BBS9: variants seen among roughly 807,000 people sequenced by gnomAD.
The protein encoded by BBS9 is protein PTHB1.
Under a neutral mutation model 117.7 loss-of-function variants are expected in BBS9, and 89 were observed. The observed-to-expected ratio is 0.76, with a 90% confidence interval of 0.64 to 0.90. The LOEUF is 0.90. Among genes scored for constraint, BBS9 ranks in the 40% least tolerant of loss-of-function variants. The pLI, the probability that BBS9 is intolerant of heterozygous loss-of-function variation, is 0.00. For missense variants in BBS9, 982 were observed against 1,042.2 expected (o/e 0.94, Z 0.80); for synonymous variants, 379 against 370.9 (o/e 1.02, Z -0.25).
chr7:33,411,371 C>T (rs772609865), intron 19 of BBS9, among the ~76,000 whole-genome samples: 5 of 152,106 alleles, frequency 3.3e-5, no homozygotes, highest in Admixed American at 6.5e-5. Flanking sequence ...GGTTTCAACA[C>T]TCTTGCTTGT....
chr7:33,584,618 G>A (rs546068742), intron 21 of BBS9, among the ~76,000 whole-genome samples: 1 of 151,812 alleles, frequency 6.6e-6, no homozygotes, highest in East Asian at 1.9e-4. Flanking sequence ...ATTTATTTGA[G>A]GACTTAATTG....
intron 19 of BBS9, among the ~76,000 whole-genome samples, chr7:33,487,067 T>C (rs1006025182): frequency 3.9e-5 from 6 of 152,210 alleles, no homozygotes; most frequent in African/African-American, 1.4e-4. Flanking sequence ...AAAAATTCTT[T>C]CTATAAAGTT....
intron 1 of BBS9, among the ~76,000 whole-genome samples, chr7:33,141,799 G>C (rs1261869291): frequency 6.6e-6 from 1 of 151,818 alleles, no homozygotes; most frequent in East Asian, 1.9e-4. Context: ...CCACCTATCT[G>C]TTCTACATTA....
intron 19 of BBS9, among the ~76,000 whole-genome samples, chr7:33,443,095 A>G (rs1169144134): frequency 6.6e-6 from 1 of 152,188 alleles, no homozygotes; most frequent in African/African-American, 2.4e-5. Flanking sequence ...TCTGTGAAAA[A>G]TTATGACTAC....
At chr7:33,387,899 ACT>A (rs1826315140) in intron 18 of BBS9, 91 bp from the exon 19 acceptor site, 1 of 1,400,596 alleles carries the variant, frequency 7.1e-7, no homozygotes, top group African/African-American at 1.4e-5. Flanking sequence ...TTTCTTCATT[ACT>A]CTTTTACTTT....
intron 19 of BBS9, among the ~76,000 whole-genome samples, chr7:33,444,636 GT>G (rs1169088221): frequency 6.6e-6 from 1 of 152,208 alleles, no homozygotes; most frequent in African/African-American, 2.4e-5. Context: ...ACACACAGAT[GT>G]CTTGGCTCCA....
chr7:33,443,839 A>C (rs1264801506), intron 19 of BBS9, among the ~76,000 whole-genome samples: 1 of 152,220 alleles, frequency 6.6e-6, no homozygotes, highest in Non-Finnish European at 1.5e-5. Context: ...AATAAAGTGA[A>C]TGCCTGAGAA....
chr7:33,259,507 C>A (rs189771069), intron 6 of BBS9, among the ~76,000 whole-genome samples: 1 of 151,886 alleles, frequency 6.6e-6, no homozygotes, highest in Non-Finnish European at 1.5e-5. Flanking sequence ...CACCATTTTT[C>A]TTTTTGAAGT....
chr7:33,135,663 G>A (rs1167072641), intron 1 of BBS9, among the ~76,000 whole-genome samples: 1 of 152,080 alleles, frequency 6.6e-6, no homozygotes, highest in Non-Finnish European at 1.5e-5. Context: ...GCTATTCTGG[G>A]TCCCTGGAAA....
chr7:33,228,029 T>C (rs1791628123), intron 5 of BBS9, among the ~76,000 whole-genome samples: 1 of 152,196 alleles, frequency 6.6e-6, no homozygotes, highest in Non-Finnish European at 1.5e-5. Context: ...TAGTTCTACT[T>C]TTAGTTCTTT....
At chr7:33,190,827 C>G (rs111692736) in intron 5 of BBS9, among the ~76,000 whole-genome samples, 174 of 152,300 alleles carry the variant, frequency 1.1e-3, no homozygotes, top group African/African-American at 4.0e-3. Flanking sequence ...GTGGGAAGTC[C>G]TCTTACCACT....
intron 19 of BBS9, among the ~76,000 whole-genome samples, chr7:33,494,543 A>G (rs1258574395): frequency 6.6e-6 from 1 of 152,194 alleles, no homozygotes; most frequent in African/African-American, 2.4e-5. Context: ...AACCCAATGA[A>G]TAACATAGCC....
chr7:33,481,676 A>G (rs1344004400), intron 19 of BBS9, among the ~76,000 whole-genome samples: 1 of 152,190 alleles, frequency 6.6e-6, no homozygotes, highest in African/African-American at 2.4e-5. Flanking sequence ...GCTCTCTCTA[A>G]GTAGTAAATA....
intron 20 of BBS9, among the ~76,000 whole-genome samples, chr7:33,516,107 A>G (rs1453928582): frequency 6.6e-6 from 1 of 152,208 alleles, no homozygotes; most frequent in African/African-American, 2.4e-5. Flanking sequence ...CTATAGCATG[A>G]CCGGAACCTG....
chr7:33,162,089 G>C (rs186766182), intron 4 of BBS9, among the ~76,000 whole-genome samples: 17 of 152,088 alleles, frequency 1.1e-4, no homozygotes, highest in Non-Finnish European at 2.2e-4. Flanking sequence ...CACGCTGCTG[G>C]TAGTTTTCTT....
At chr7:33,352,079 T>G (rs1013836382) in intron 14 of BBS9, 2 of 152,806 alleles carry the variant, frequency 1.3e-5, no homozygotes, top group African/African-American at 4.8e-5. Context: ...CTTTCCGTAT[T>G]TGCTTAGGCG....
chr7:33,534,714 A>G (rs1851100083), intron 21 of BBS9, among the ~76,000 whole-genome samples: 1 of 152,112 alleles, frequency 6.6e-6, no homozygotes, highest in African/African-American at 2.4e-5. Context: ...TTGCCCCTCC[A>G]TGGGCAGTCA....
At chr7:33,150,610 T>C (rs537994799) in intron 2 of BBS9, among the ~76,000 whole-genome samples, 35 of 152,292 alleles carry the variant, frequency 2.3e-4, no homozygotes, top group African/African-American at 8.2e-4. Context: ...AGTTTGTCAG[T>C]ATACAGTGAT....
intron 5 of BBS9, among the ~76,000 whole-genome samples, chr7:33,190,206 G>T (rs191602294): frequency 2.3e-3 from 335 of 145,442 alleles, no homozygotes; most frequent in African/African-American, 8.3e-3. Flanking sequence ...TGCAAGCTCC[G>T]CCTCCCGGGT....
Sources: allele counts gnomAD v4.1 joint callset (sites outside exome capture counted in the v4.1 genomes callset), GRCh38; gene constraint gnomAD v4.1.1; transcripts MANE v1.5; gene names NCBI Gene and HGNC (gene_info 2026-07-23, HGNC 2026-07-21).